KCNK13: variants seen among roughly 807,000 people sequenced by gnomAD.
The protein encoded by KCNK13 is potassium two pore domain channel subfamily K member 13.
KCNK13 carries 12 observed loss-of-function variants against 23.4 expected under a neutral mutation model. That is an observed-to-expected ratio of 0.51 (90% CI 0.33 to 0.83). The LOEUF is 0.83. Among genes scored for constraint, KCNK13 ranks in the 40% least tolerant of loss-of-function variants. The pLI, the probability that KCNK13 is intolerant of heterozygous loss-of-function variation, is 0.02. For missense variants in KCNK13, 463 were observed against 556.3 expected (o/e 0.83, Z 1.69); for synonymous variants, 231 against 229.5 (o/e 1.01, Z -0.06).
intron 1 of KCNK13, among the ~76,000 whole-genome samples, chr14:90,072,649 A>G (rs2140390067): frequency 6.6e-6 from 1 of 152,290 alleles, no homozygotes; most frequent in African/African-American, 2.4e-5. Context: ...ACTTATTTCT[A>G]AAAGGAACTA....
At chr14:90,164,599 T>A (rs7158301) in intron 1 of KCNK13, among the ~76,000 whole-genome samples, 2,587 of 152,110 alleles carry the variant, frequency 0.017, 74 homozygotes, top group African/African-American at 0.06. Flanking sequence ...TTTCTTGGAG[T>A]TTGTAGGTTA....
intron 1 of KCNK13, among the ~76,000 whole-genome samples, chr14:90,172,305 A>G (rs1277490252): frequency 7.9e-6 from 1 of 126,176 alleles, no homozygotes; most frequent in African/African-American, 3.3e-5. Context: ...TGATGGAGCC[A>G]GAGTCTATAT....
chr14:90,176,757 C>T (rs1271953097), intron 1 of KCNK13, among the ~76,000 whole-genome samples: 1 of 152,178 alleles, frequency 6.6e-6, no homozygotes, highest in Admixed American at 6.5e-5. Flanking sequence ...CTCAGTGGCT[C>T]ATGCCTGTAG....
chr14:90,135,473 T>A (rs1168390900), intron 1 of KCNK13, among the ~76,000 whole-genome samples: 4 of 152,216 alleles, frequency 2.6e-5, no homozygotes, highest in African/African-American at 7.2e-5. Flanking sequence ...ATAAAAATGT[T>A]GAGGTTCCAT....
intron 1 of KCNK13, among the ~76,000 whole-genome samples, chr14:90,158,055 G>T (rs2140437083): frequency 6.6e-6 from 1 of 152,288 alleles, no homozygotes; most frequent in East Asian, 1.9e-4. Context: ...CCCGACCTTG[G>T]GAACTCCTGC....
intron 1 of KCNK13, among the ~76,000 whole-genome samples, chr14:90,084,360 TA>T (rs371865698): frequency 4.6e-5 from 7 of 152,190 alleles, no homozygotes; most frequent in African/African-American, 1.7e-4. Flanking sequence ...TTTTGGACTT[TA>T]AAAAAATTTC....
chr14:90,076,541 C>T (rs1017723918), intron 1 of KCNK13, among the ~76,000 whole-genome samples: 1 of 152,108 alleles, frequency 6.6e-6, no homozygotes, highest in Non-Finnish European at 1.5e-5. Flanking sequence ...TACGTGAGCT[C>T]AATGCTATCT....
chr14:90,070,584 C>G (rs1889062105), intron 1 of KCNK13, among the ~76,000 whole-genome samples: 1 of 152,162 alleles, frequency 6.6e-6, no homozygotes, highest in South Asian at 2.1e-4. Context: ...AAATGTTTTT[C>G]ATTTCAATTC....
chr14:90,108,584 C>T (rs903070221), intron 1 of KCNK13, among the ~76,000 whole-genome samples: 10 of 152,148 alleles, frequency 6.6e-5, no homozygotes, highest in African/African-American at 2.4e-4. Flanking sequence ...TCACAGATCT[C>T]ATAGGAAATG....
At chr14:90,100,006 C>G (rs1889455697) in intron 1 of KCNK13, among the ~76,000 whole-genome samples, 1 of 152,204 alleles carries the variant, frequency 6.6e-6, no homozygotes, top group Non-Finnish European at 1.5e-5. Flanking sequence ...AGCTGCTGTT[C>G]TGTTTGCACA....
chr14:90,108,586 T>G lies in KCNK13; in HGVS notation c.334+46047T>G, dbSNP rs866992028. On this transcript the variant is annotated intron_variant, in intron 1 of 1. Transcript: ENST00000282146. ...CCACCTTGTCCTCTCACAGATCTCA[T>G]AGGAAATGTTCAACAATTCTGTGAA... 3.3e-5 allele frequency among the ~76,000 whole-genome samples: 5 copies of G among 152,116 alleles called. No homozygotes were observed. The East Asian group carries it at 5.8e-4, about 18-fold the overall frequency.
At chr14:90,079,092 C>G (rs1186805671) in intron 1 of KCNK13, among the ~76,000 whole-genome samples, 1 of 152,178 alleles carries the variant, frequency 6.6e-6, no homozygotes, top group East Asian at 1.9e-4. Context: ...TGGGCCTCTT[C>G]AGCTCGGTGG....
At chr14:90,089,608 C>T (rs924889527) in intron 1 of KCNK13, among the ~76,000 whole-genome samples, 4 of 152,172 alleles carry the variant, frequency 2.6e-5, no homozygotes, top group African/African-American at 9.7e-5. Context: ...TAACGAGGAG[C>T]CAAATGTTAA....
chr14:90,076,612 A>C (rs1422060497), intron 1 of KCNK13, among the ~76,000 whole-genome samples: 1 of 152,128 alleles, frequency 6.6e-6, no homozygotes, highest in African/African-American at 2.4e-5. Context: ...GCGCAATGCT[A>C]TCTCAAATGC....
rs555164504 is a variant in KCNK13 at position 90,077,373 on chromosome 14, G to T, written c.334+14834G>T. 2.0e-5 allele frequency among the ~76,000 whole-genome samples: 3 copies of T among 150,926 alleles called. No individual in the cohort carries two copies. The South Asian group carries it at 6.3e-4, about 32-fold the overall frequency. On this transcript the variant is annotated intron_variant, in intron 1 of 1. Coordinates refer to ENST00000282146, the MANE Select transcript of KCNK13 (RefSeq NM_022054.4). ...TGGCCTCAGGTGATCCGCCCGCCTC[G>T]GCCTCCCAAAGTGCTGGGATTACAG...
chr14:90,152,669 T>C (rs552250640), intron 1 of KCNK13, among the ~76,000 whole-genome samples: 2 of 152,344 alleles, frequency 1.3e-5, no homozygotes, highest in African/African-American at 4.8e-5. Context: ...AGGTATGTTA[T>C]TAGCAGTGTG....
chr14:90,170,268 C>T (rs1299987770), intron 1 of KCNK13, among the ~76,000 whole-genome samples: 3 of 152,084 alleles, frequency 2.0e-5, no homozygotes, highest in Admixed American at 1.3e-4. Flanking sequence ...GGCCAGAGTG[C>T]GGTGGTGCAA....
intron 1 of KCNK13, among the ~76,000 whole-genome samples, chr14:90,135,272 A>G (rs1457074721): frequency 6.6e-6 from 1 of 152,206 alleles, no homozygotes; most frequent in Admixed American, 6.5e-5. Context: ...GGCAAAGGAA[A>G]GAGGGGAAGT....
At chr14:90,183,739 G>A (rs570337240) in intron 1 of KCNK13, among the ~76,000 whole-genome samples, 4 of 152,270 alleles carry the variant, frequency 2.6e-5, no homozygotes, top group African/African-American at 9.6e-5. Context: ...CTCTAAACAT[G>A]ATCTGTTGAG....
Sources: allele counts gnomAD v4.1 joint callset (sites outside exome capture counted in the v4.1 genomes callset), GRCh38; gene constraint gnomAD v4.1.1; transcripts MANE v1.5; gene names NCBI Gene and HGNC (gene_info 2026-07-23, HGNC 2026-07-21).